DUSP15: variants seen among roughly 807,000 people sequenced by gnomAD.
DUSP15 encodes dual specificity phosphatase 15, also known as dual specificity protein phosphatase 15.
Under a neutral mutation model 26.3 loss-of-function variants are expected in DUSP15, and 23 were observed. That is an observed-to-expected ratio of 0.87 (90% CI 0.63 to 1.24). The LOEUF (loss-of-function observed/expected upper bound fraction) is 1.24. Ranked by LOEUF, DUSP15 falls within the 50% of genes most tolerant of loss-of-function variation. DUSP15 has a pLI of 0.00. For missense variants in DUSP15, 364 were observed against 320.6 expected, an observed-to-expected ratio of 1.14 and a Z score of -1.03; for synonymous variants, 143 against 135.5, an observed-to-expected ratio of 1.06 and a Z score of -0.39.
downstream of DUSP15, among the ~76,000 whole-genome samples, chr20:31,846,475 A>AGAGAGAGAGAGAGAGG (rs71274237): frequency 2.1e-4 from 17 of 79,674 alleles, no homozygotes; most frequent in South Asian, 2.3e-3. Context: ...AGAGAGAGAG[A>AGAGAGAGAGAGAGAGG]GGAGAGAGAG....
At chr20:31,855,974 A>G (rs1447559702) in intron 6 of DUSP15, among the ~76,000 whole-genome samples, 1 of 152,206 alleles carries the variant, frequency 6.6e-6, no homozygotes, top group African/African-American at 2.4e-5. Flanking sequence ...TTTGGGGAAC[A>G]GGTGGTATTT....
At chr20:31,861,738 G>GGGGCGCCCCCCCCC in intron 6 of DUSP15, 63 bp from the exon 7 acceptor site, 1 of 1,290,718 alleles carries the variant, frequency 7.7e-7, no homozygotes, top group East Asian at 3.2e-5. Flanking sequence ...AAGGCAGCCG[G>GGGGCGCCCCCCCCC]CCCCGCCCCC....
chr20:31,851,720 T>A (rs544925392), intron 6 of DUSP15, among the ~76,000 whole-genome samples: 15 of 152,166 alleles, frequency 9.9e-5, no homozygotes, highest in African/African-American at 3.1e-4. Context: ...GAGAGGTGAC[T>A]GAGCTGGCAA....
intron 4 of DUSP15, 61 bp from the exon 5 acceptor site, chr20:31,864,042 G>GC (rs1234234434): frequency 1.2e-6 from 2 of 1,600,830 alleles, no homozygotes; most frequent in African/African-American, 1.3e-5. Flanking sequence ...GAGTTGTTCC[G>GC]CCCCCACCCC....
At chr20:31,857,775 C>A (rs1214482061), downstream of DUSP15, among the ~76,000 whole-genome samples, 1 of 152,134 alleles carries the variant, frequency 6.6e-6, no homozygotes, top group Admixed American at 6.5e-5. Flanking sequence ...TTAATGATGA[C>A]TGGGGAAAGG....
At chr20:31,866,765 T>C (rs539185847) in intron 3 of DUSP15, among the ~76,000 whole-genome samples, 3 of 152,310 alleles carry the variant, frequency 2.0e-5, no homozygotes, top group East Asian at 1.9e-4. Flanking sequence ...ATCCATCCAG[T>C]TGGGTCATGG....
chr20:31,868,206 G>C (rs1222431136), intron 2 of DUSP15, among the ~76,000 whole-genome samples: 2 of 152,226 alleles, frequency 1.3e-5, no homozygotes, highest in Non-Finnish European at 2.9e-5. Flanking sequence ...TCTGGGGCCA[G>C]CTTCGTGGCT....
chr20:31,855,591 G>A (rs1213448169), intron 6 of DUSP15, among the ~76,000 whole-genome samples: 1 of 152,204 alleles, frequency 6.6e-6, no homozygotes, highest in Middle Eastern at 3.2e-3. Flanking sequence ...ATGGGTCAGA[G>A]CAGCCAAAAG....
At chr20:31,867,241 T>C (rs907517555) in intron 2 of DUSP15, 88 bp from the exon 3 acceptor site, 49 of 1,187,856 alleles carry the variant, frequency 4.1e-5, no homozygotes, top group Non-Finnish European at 5.7e-5. Flanking sequence ...TGCCCAGCTC[T>C]CCCTCTCACC....
At chr20:31,849,421 C>G (rs1231606133) in intron 8 of DUSP15, 1 of 513,244 alleles carries the variant, frequency 1.9e-6, no homozygotes. Flanking sequence ...CCCTTAGGCC[C>G]ATCCCCCTGG....
chr20:31,870,352 C>G lies in DUSP15; in HGVS notation c.-15G>C. ...CCATTGCCCATGATCCCGGGGGCGG[C>G]GGTCCGGGTGCACCCCCAGCTCGCC... On this transcript the variant is annotated 5_prime_UTR_variant, in exon 1 of 7. Transcript: ENST00000339738. The surrounding 1 kb of genome is among the most constrained non-coding windows in gnomAD (Gnocchi z 6.6). 7.8e-7 allele frequency: 1 copy of G among 1,276,640 alleles called. No homozygotes were observed. The highest frequency in any genetic ancestry group is 9.9e-7 in the Non-Finnish European group (1 of 1,012,120). The allele number at this position is 1,276,640 out of a possible 1,614,324, so 79.1% of individuals were successfully genotyped here.
downstream of DUSP15, among the ~76,000 whole-genome samples, chr20:31,857,178 G>C (rs1176451765): frequency 1.3e-5 from 2 of 152,050 alleles, no homozygotes; most frequent in African/African-American, 4.8e-5. Context: ...GGTGACTTTG[G>C]TGTTTGGGGT....
intron 2 of DUSP15, 129 bp from the exon 3 acceptor site, chr20:31,867,282 G>A (rs947829474): frequency 1.7e-5 from 13 of 752,612 alleles, no homozygotes; most frequent in South Asian, 1.5e-4. Context: ...ACGCTCTGCC[G>A]GCTCCCTGAT....
intron 2 of DUSP15, among the ~76,000 whole-genome samples, chr20:31,868,639 C>G (rs1167732128): frequency 9.2e-5 from 14 of 152,058 alleles, no homozygotes; most frequent in Non-Finnish European, 1.5e-5. Flanking sequence ...GCCATCGTGC[C>G]TGGCTGATTT....
downstream of DUSP15, among the ~76,000 whole-genome samples, chr20:31,860,038 C>A (rs1210423496): frequency 1.3e-5 from 2 of 152,222 alleles, no homozygotes; most frequent in African/African-American, 4.8e-5. Flanking sequence ...ACCAAACGGT[C>A]CACTCCCTCA....
At chr20:31,867,268 G>A in intron 2 of DUSP15, 115 bp from the exon 3 acceptor site, 1 of 879,432 alleles carries the variant, frequency 1.1e-6, no homozygotes, top group East Asian at 2.6e-5. Flanking sequence ...CTCCACCTTG[G>A]CCCACGCTCT....
intron 3 of DUSP15, among the ~76,000 whole-genome samples, chr20:31,866,852 C>A (rs896318147): frequency 2.6e-5 from 4 of 152,230 alleles, no homozygotes; most frequent in Non-Finnish European, 5.9e-5. Context: ...TACCCCAACT[C>A]CTCAGCTTCC....
chr20:31,848,110 C>T (rs904655198), exon 10 of DUSP15: 17 of 406,714 alleles, frequency 4.2e-5, no homozygotes, highest in African/African-American at 8.4e-5. Flanking sequence ...CTGAGGAAAG[C>T]GCTATTGACA....
chr20:31,853,728 G>T (rs2062513238), intron 6 of DUSP15, among the ~76,000 whole-genome samples: 1 of 151,550 alleles, frequency 6.6e-6, no homozygotes, highest in African/African-American at 2.4e-5. Flanking sequence ...CATCCAAGTA[G>T]CTGGGACTAC....
Sources: allele counts gnomAD v4.1 joint callset (sites outside exome capture counted in the v4.1 genomes callset), GRCh38; gene constraint gnomAD v4.1.1; non-coding constraint Gnocchi (gnomAD v3.1); transcripts MANE v1.5; gene names NCBI Gene and HGNC (gene_info 2026-07-23, HGNC 2026-07-21).